Variants in TCEANC2 observed in about 807,000 individuals in gnomAD.
TCEANC2 encodes the protein transcription elongation factor A N-terminal and central domain-containing protein 2.
Under a neutral mutation model 22.8 loss-of-function variants are expected in TCEANC2, and 20 were observed. That is an observed-to-expected ratio of 0.88 (90% CI 0.62 to 1.28). The LOEUF (loss-of-function observed/expected upper bound fraction) is 1.28, where lower values mean the gene tolerates loss of function less well. Among genes scored for constraint, TCEANC2 ranks in the 50% most tolerant of loss-of-function variants. TCEANC2 has a pLI of 0.00. For missense variants in TCEANC2, 251 were observed against 249.7 expected, an observed-to-expected ratio of 1.01 and a Z score of -0.03; for synonymous variants, 84 against 95.5, an observed-to-expected ratio of 0.88 and a Z score of 0.70.
In TCEANC2 at chr1:54,096,649, A is replaced by G; in HGVS notation, c.*176A>G. 1 of 1,320,576 alleles carries G rather than the reference A, an allele frequency of 7.6e-7. No homozygotes were observed. The allele number at this position is 1,320,576 out of a possible 1,614,324, so 81.8% of individuals were successfully genotyped here. A position where few individuals can be genotyped will look rare whatever the true frequency, so the allele number is the denominator to read the frequency against. On this transcript the variant is annotated 3_prime_UTR_variant, in exon 5 of 5. Transcript: ENST00000234827. This position sits in a 1 kb window ranked among gnomAD's most constrained non-coding sequence, Gnocchi z 4.9. ...AGCCCTAGGAGACAGGCCTGCAGGA[A>G]TGTGCTTCATTAGCTGCAGTGCGCT...
intron 3 of TCEANC2, among the ~76,000 whole-genome samples, chr1:54,083,976 C>T (rs976051151): frequency 1.3e-5 from 2 of 151,744 alleles, no homozygotes; most frequent in Admixed American, 1.3e-4. Flanking sequence ...GATCATTTTT[C>T]CGGTTACTAC....
chr1:54,057,885 C>T (rs896078571), intron 2 of TCEANC2, among the ~76,000 whole-genome samples: 9 of 152,182 alleles, frequency 5.9e-5, no homozygotes, highest in Non-Finnish European at 1.0e-4. Flanking sequence ...TCTTTCCTTC[C>T]TCTGTGCCTT....
chr1:54,060,321 C>T (rs1300119112), intron 2 of TCEANC2, among the ~76,000 whole-genome samples: 1 of 152,012 alleles, frequency 6.6e-6, no homozygotes, highest in East Asian at 1.9e-4. Flanking sequence ...AGAAGAATTG[C>T]TTGAACCTGG....
At chr1:54,056,471 GC>G (rs1657754154) in intron 2 of TCEANC2, among the ~76,000 whole-genome samples, 1 of 151,940 alleles carries the variant, frequency 6.6e-6, no homozygotes, top group Admixed American at 6.6e-5. Flanking sequence ...GATTACAGGT[GC>G]CCGCCACCAC....
At chr1:54,086,306 C>G (rs147018277) in intron 3 of TCEANC2, among the ~76,000 whole-genome samples, 1 of 152,204 alleles carries the variant, frequency 6.6e-6, no homozygotes, top group East Asian at 1.9e-4. Flanking sequence ...AAAGAGATAA[C>G]TGATCAAATA....
intron 3 of TCEANC2, among the ~76,000 whole-genome samples, chr1:54,087,056 G>A (rs1259262565): frequency 6.6e-6 from 1 of 152,098 alleles, no homozygotes; most frequent in African/African-American, 2.4e-5. Flanking sequence ...GTTCTGACTG[G>A]CTATTGCTGA....
intron 3 of TCEANC2, among the ~76,000 whole-genome samples, chr1:54,077,869 T>C (rs1258873327): frequency 6.6e-6 from 1 of 152,186 alleles, no homozygotes; most frequent in Non-Finnish European, 1.5e-5. Flanking sequence ...ACAGGGTGCT[T>C]TTCCATAAAG....
chr1:54,087,342 T>G (rs1305520604), intron 3 of TCEANC2, among the ~76,000 whole-genome samples: 1 of 152,210 alleles, frequency 6.6e-6, no homozygotes, highest in Non-Finnish European at 1.5e-5. Flanking sequence ...ATAAAGAGAA[T>G]ATTATAACTA....
At chr1:54,086,359 A>G (rs372737169) in intron 3 of TCEANC2, among the ~76,000 whole-genome samples, 9 of 152,324 alleles carry the variant, frequency 5.9e-5, no homozygotes, top group East Asian at 5.8e-4. Flanking sequence ...ACAGAAGCGC[A>G]AGGTGCTAAG....
intron 3 of TCEANC2, among the ~76,000 whole-genome samples, chr1:54,074,579 C>T (rs1249558898): frequency 1.3e-5 from 2 of 152,004 alleles, no homozygotes; most frequent in African/African-American, 4.8e-5. Context: ...ATAGAAGAAA[C>T]CGAGAAGGTA....
chr1:54,073,594 AG>A (rs1482417828), intron 3 of TCEANC2, among the ~76,000 whole-genome samples: 1 of 152,160 alleles, frequency 6.6e-6, no homozygotes, highest in Non-Finnish European at 1.5e-5. Flanking sequence ...GCAGTGAAAG[AG>A]TAGCTTTAGT....
At chr1:54,056,222 C>T (rs1657748992) in intron 2 of TCEANC2, among the ~76,000 whole-genome samples, 1 of 152,160 alleles carries the variant, frequency 6.6e-6, no homozygotes, top group South Asian at 2.1e-4. Flanking sequence ...TCATGTCAGA[C>T]TCTCTCCAGG....
chr1:54,076,028 CAAA>C (rs540752255), intron 3 of TCEANC2, among the ~76,000 whole-genome samples: 4 of 123,754 alleles, frequency 3.2e-5, no homozygotes, highest in African/African-American at 8.5e-5. Flanking sequence ...AACTTGTCTC[CAAA>C]AAAAAAAAAA....
chr1:54,079,690 A>G (rs1401759157), intron 3 of TCEANC2, among the ~76,000 whole-genome samples: 1 of 152,220 alleles, frequency 6.6e-6, no homozygotes, highest in Non-Finnish European at 1.5e-5. Context: ...CACTTGGAAA[A>G]GCCAGGCTAA....
chr1:54,056,317 C>T (rs12081303), intron 2 of TCEANC2, among the ~76,000 whole-genome samples: 12,728 of 148,230 alleles, frequency 0.086, 1,333 homozygotes, highest in African/African-American at 0.26. Context: ...CTTTTCTTTT[C>T]TTTTTTTTTG....
chr1:54,068,764 G>A lies in TCEANC2; in HGVS notation c.111G>A (p.Val37=). ...QATIESLKRV[V]VVEDIKRWKT... ...ACTTTTCTTTTTCCCAGAGAGTTGTGGTTGTAGAAGACATAAAAAGATGGA... is the reference window on the plus strand; with the variant it reads ...ACTTTTCTTTTTCCCAGAGAGTTGTAGTTGTAGAAGACATAAAAAGATGGA... The change falls in exon 3 of 5, where the codon GTG becomes GTA. Residue 37 remains valine, a synonymous_variant. Transcript: ENST00000234827. 1.3e-6 allele frequency: 2 copies of A among 1,598,980 alleles called. No individual in the cohort carries two copies. The highest frequency in any genetic ancestry group is 1.1e-5 in the South Asian group (1 of 87,196).
In TCEANC2 at chr1:54,100,743, C is replaced by A. The variant is rs1397787554; in HGVS notation, c.*4270C>A. ...ATTGGGCAAAAAAAGTAACCAAGGC[C>A]TTGGAGGCCTTATCAACGAGTTTGG... On this transcript the variant is annotated 3_prime_UTR_variant, in exon 5 of 5. Coordinates refer to ENST00000234827, the MANE Select transcript of TCEANC2 (RefSeq NM_153035.3). 1 of 152,134 alleles carries A rather than the reference C, an allele frequency of 6.6e-6. No homozygotes were observed. The highest frequency in any genetic ancestry group is 1.5e-5 in the Non-Finnish European group (1 of 68,036). The allele number at this position is 152,134 out of a possible 1,614,324, so 9.4% of individuals were successfully genotyped here. A position where few individuals can be genotyped will look rare whatever the true frequency, so the allele number is the denominator to read the frequency against.
At chr1:54,077,796 C>T (rs1175734711) in intron 3 of TCEANC2, among the ~76,000 whole-genome samples, 3 of 152,120 alleles carry the variant, frequency 2.0e-5, no homozygotes, top group Non-Finnish European at 2.9e-5. Flanking sequence ...TGGCTCTTCT[C>T]GCCTTCTGTG....
At chr1:54,107,890 C>G (rs1454980236), downstream of TCEANC2, among the ~76,000 whole-genome samples, 1 of 152,168 alleles carries the variant, frequency 6.6e-6, no homozygotes, top group Non-Finnish European at 1.5e-5. Flanking sequence ...TCAATTTCCC[C>G]ATCTAAGTAA....
Sources: allele counts gnomAD v4.1 joint callset (sites outside exome capture counted in the v4.1 genomes callset), GRCh38; gene constraint gnomAD v4.1.1; non-coding constraint Gnocchi (gnomAD v3.1); transcripts MANE v1.5; gene names NCBI Gene and HGNC (gene_info 2026-07-23, HGNC 2026-07-21).